Variants in MSI2 observed in about 807,000 individuals in gnomAD.
The protein encoded by MSI2 is musashi RNA binding protein 2, also known as RNA-binding protein Musashi homolog 2.
A neutral mutation model predicts 45.6 loss-of-function variants in MSI2; 17 were observed. The observed-to-expected ratio is 0.37, with a 90% CI of 0.26 to 0.56. MSI2 has a LOEUF of 0.56. Among genes scored for constraint, MSI2 ranks in the 20% least tolerant of loss-of-function variants. The probability of loss-of-function intolerance (pLI) is 0.77; values close to 1 mark genes in which losing one functional copy is unlikely to be tolerated. For synonymous variants in MSI2, 156 were observed against 158.2 expected (o/e 0.99, Z 0.11); for missense variants, 293 against 444.2 (o/e 0.66, Z 3.06).
intron 6 of MSI2, among the ~76,000 whole-genome samples, chr17:57,434,320 G>A (rs1200619465): frequency 2.0e-5 from 3 of 152,108 alleles, no homozygotes; most frequent in Non-Finnish European, 4.4e-5. Context: ...GGCTGATCTC[G>A]AACTCCTGAA....
intron 10 of MSI2, chr17:57,631,398 G>A (rs1255776007): frequency 5.8e-6 from 1 of 171,374 alleles, no homozygotes; most frequent in African/African-American, 2.4e-5. Context: ...TGGGGGTGCA[G>A]ATATCACTCT....
intron 5 of MSI2, among the ~76,000 whole-genome samples, chr17:57,387,028 G>A (rs1407663083): frequency 6.6e-6 from 1 of 152,212 alleles, no homozygotes; most frequent in East Asian, 1.9e-4. Context: ...TGTCTGATTT[G>A]ACAGCCCTCC....
intron 8 of MSI2, among the ~76,000 whole-genome samples, chr17:57,613,702 T>C (rs1485829019): frequency 1.3e-5 from 2 of 152,326 alleles, no homozygotes; most frequent in East Asian, 3.9e-4. Flanking sequence ...ATGCTTCATC[T>C]TGGGGAATGT....
At chr17:57,376,628 A>C (rs1268744614) in intron 5 of MSI2, among the ~76,000 whole-genome samples, 1 of 152,170 alleles carries the variant, frequency 6.6e-6, no homozygotes, top group African/African-American at 2.4e-5. Context: ...CAGCAGAAAT[A>C]AAAATCCTGA....
chr17:57,592,127 G>A (rs888993636), intron 7 of MSI2, among the ~76,000 whole-genome samples: 5 of 150,780 alleles, frequency 3.3e-5, no homozygotes, highest in Non-Finnish European at 7.4e-5. Flanking sequence ...AGCCGAGATC[G>A]CGCCACTGCA....
chr17:57,683,149 G>C lies in MSI2; in HGVS notation c.*3632G>C. On this transcript the variant is annotated 3_prime_UTR_variant, in exon 14 of 14. Coordinates refer to ENST00000284073, the MANE Select transcript of MSI2 (RefSeq NM_138962.4). The surrounding 1 kb of genome is among the most constrained non-coding windows in gnomAD (Gnocchi z 5.2). ...AACTTGTAGCTTGGACTTTAAGGTA[G>C]CATGGCTCTATTGCTGTCAATTTAC... 1 of 229,654 alleles carries C rather than the reference G, an allele frequency of 4.4e-6. No homozygotes were observed. The highest frequency in any genetic ancestry group is 5.6e-5 in the Admixed American group (1 of 17,704). The allele number at this position is 229,654 out of a possible 1,614,324, so 14.2% of individuals were successfully genotyped here.
intron 8 of MSI2, among the ~76,000 whole-genome samples, chr17:57,607,600 A>C (rs1598445266): frequency 6.6e-6 from 1 of 152,166 alleles, no homozygotes; most frequent in African/African-American, 2.4e-5. Flanking sequence ...TCTTCCGCTC[A>C]CTTTCCAGTA....
chr17:57,333,043 A>C (rs931498410), intron 5 of MSI2, among the ~76,000 whole-genome samples: 1 of 152,050 alleles, frequency 6.6e-6, no homozygotes, highest in Non-Finnish European at 1.5e-5. Flanking sequence ...AGAAAAAAAA[A>C]AGAGTACGGA....
chr17:57,331,783 C>G (rs1425807243), intron 5 of MSI2, among the ~76,000 whole-genome samples: 1 of 152,186 alleles, frequency 6.6e-6, no homozygotes, highest in African/African-American at 2.4e-5. Flanking sequence ...TGCCTGTTTA[C>G]AGAGAATTTT....
chr17:57,305,569 T>C (rs1911810297), intron 5 of MSI2, among the ~76,000 whole-genome samples: 1 of 152,212 alleles, frequency 6.6e-6, no homozygotes, highest in Admixed American at 6.5e-5. Context: ...GACGAGGTTT[T>C]AGGCAGCCAG....
intron 7 of MSI2, among the ~76,000 whole-genome samples, chr17:57,570,472 G>A (rs1399747150): frequency 6.6e-6 from 1 of 152,134 alleles, no homozygotes; most frequent in African/African-American, 2.4e-5. Context: ...GGTTTTGCAG[G>A]GAGCATAGGA....
chr17:57,654,916 T>G (rs76622926), intron 11 of MSI2, among the ~76,000 whole-genome samples: 22 of 13,312 alleles, frequency 1.7e-3, no homozygotes, highest in Non-Finnish European at 3.4e-3. Context: ...AACGTTTGGG[T>G]TTTTTTTTTT....
At chr17:57,264,626 T>G (rs983315230) in intron 5 of MSI2, 2 of 152,254 alleles carry the variant, frequency 1.3e-5, no homozygotes, top group African/African-American at 4.8e-5. Flanking sequence ...TTGCAGAGAC[T>G]TTATTAATCC....
chr17:57,325,008 G>C (rs955489582), intron 5 of MSI2, among the ~76,000 whole-genome samples: 5 of 152,226 alleles, frequency 3.3e-5, no homozygotes, highest in Non-Finnish European at 5.9e-5. Context: ...TGGTACATCA[G>C]AAAGTGGTAT....
intron 12 of MSI2, 126 bp from the exon 13 acceptor site, chr17:57,676,861 T>C: frequency 4.0e-6 from 3 of 743,860 alleles, no homozygotes; most frequent in Non-Finnish European, 7.4e-6. Context: ...TGGCACGGTG[T>C]CTCAGAATTA....
intron 5 of MSI2, among the ~76,000 whole-genome samples, chr17:57,385,867 T>C (rs1156369766): frequency 1.3e-5 from 2 of 152,210 alleles, no homozygotes; most frequent in African/African-American, 4.8e-5. Flanking sequence ...CTGTCTCTTT[T>C]GCATACCATA....
intron 11 of MSI2, among the ~76,000 whole-genome samples, chr17:57,672,076 G>A (rs1489551198): frequency 1.3e-5 from 2 of 152,202 alleles, no homozygotes; most frequent in Non-Finnish European, 2.9e-5. Context: ...TGCTGGCTGC[G>A]CCCTCTAGTG....
At chr17:57,531,076 A>G (rs936602462) in intron 7 of MSI2, among the ~76,000 whole-genome samples, 37 of 152,142 alleles carry the variant, frequency 2.4e-4, no homozygotes, top group Admixed American at 2.4e-3. Context: ...GTGAGAGCCC[A>G]GTGAGTGAGA....
Position 57,315,945 on chromosome 17 carries a change from G to A in MSI2, c.312+53753G>A, listed in dbSNP as rs193063683. On this transcript the variant is annotated intron_variant, in intron 5 of 13. Coordinates refer to ENST00000284073, the MANE Select transcript of MSI2 (RefSeq NM_138962.4). ...ACGGGCTGTGTGAATACAGACTCAC[G>A]TGGGGTATTGAGAGACCATTAGACA... Among the ~76,000 whole-genome samples the A allele has an allele frequency of 3.9e-5, 6 of 152,230 alleles. No individual in the cohort carries two copies. In the East Asian group the frequency reaches 9.6e-4, roughly 24 times the overall value.
Sources: gnomAD v4.1 joint callset for allele counts (sites outside exome capture counted in the v4.1 genomes callset) on GRCh38, gnomAD v4.1.1 for gene constraint, Gnocchi (gnomAD v3.1) non-coding constraint, MANE v1.5 for transcripts, NCBI Gene and HGNC (gene_info 2026-07-23, HGNC 2026-07-21) for gene names.